The following UNC13C variants were observed in gnomAD, a reference collection of about 807,000 sequenced individuals.
UNC13C encodes protein unc-13 homolog C.
UNC13C carries 174 observed loss-of-function variants against 245.4 expected under a neutral mutation model. That is an observed-to-expected ratio of 0.71 (90% CI 0.63 to 0.80). UNC13C has a LOEUF of 0.80. Among genes scored for constraint, UNC13C ranks in the 30% least tolerant of loss-of-function variants. The pLI, the probability that UNC13C is intolerant of heterozygous loss-of-function variation, is 0.00. For missense variants in UNC13C, 2,829 were observed against 2,602.9 expected (o/e 1.09, Z -1.89); for synonymous variants, 992 against 895.1 (o/e 1.11, Z -1.93).
At chr15:53,997,388 G>A (rs920479973) in intron 1 of UNC13C, among the ~76,000 whole-genome samples, 1 of 152,120 alleles carries the variant, frequency 6.6e-6, no homozygotes, top group African/African-American at 2.4e-5. Flanking sequence ...TTTCAAAGAA[G>A]ACAAGTTTTT....
chr15:54,264,677 C>T (rs2036509311), intron 9 of UNC13C, among the ~76,000 whole-genome samples: 1 of 151,540 alleles, frequency 6.6e-6, no homozygotes, highest in Non-Finnish European at 1.5e-5. Context: ...TTTTTGTTGC[C>T]TACCAGTGAT....
chr15:54,381,045 G>C (rs1323968766), intron 17 of UNC13C, among the ~76,000 whole-genome samples: 1 of 152,082 alleles, frequency 6.6e-6, no homozygotes, highest in Admixed American at 6.5e-5. Flanking sequence ...CCAGTCTAGT[G>C]TCATGGAGCT....
chr15:54,056,313 G>A (rs1318240961), intron 2 of UNC13C, among the ~76,000 whole-genome samples: 2 of 152,162 alleles, frequency 1.3e-5, no homozygotes, highest in Admixed American at 6.6e-5. Flanking sequence ...CGTGACGAAT[G>A]CACAAGCCTC....
intron 4 of UNC13C, among the ~76,000 whole-genome samples, chr15:54,197,590 T>A (rs545278527): frequency 6.6e-6 from 1 of 152,194 alleles, no homozygotes; most frequent in Non-Finnish European, 1.5e-5. Context: ...ATAATTGAGT[T>A]GTGGATGCAA....
intron 4 of UNC13C, among the ~76,000 whole-genome samples, chr15:54,183,913 C>T (rs1031798678): frequency 2.0e-5 from 3 of 151,854 alleles, no homozygotes; most frequent in African/African-American, 7.3e-5. Context: ...GACACATTAG[C>T]TATGCCTTAA....
At chr15:53,992,205 C>T (rs1283331945) in intron 1 of UNC13C, among the ~76,000 whole-genome samples, 1 of 152,038 alleles carries the variant, frequency 6.6e-6, no homozygotes, top group African/African-American at 2.4e-5. Context: ...TGTTTAACCT[C>T]GTATACCTCT....
intron 2 of UNC13C, among the ~76,000 whole-genome samples, chr15:54,017,651 TA>T: frequency 6.6e-6 from 1 of 152,230 alleles, no homozygotes; most frequent in Non-Finnish European, 1.5e-5. Context: ...CTTCAACTTC[TA>T]AAAATTCCAA....
chr15:54,053,157 G>T (rs1897345037), intron 2 of UNC13C, among the ~76,000 whole-genome samples: 1 of 151,722 alleles, frequency 6.6e-6, no homozygotes, highest in African/African-American at 2.4e-5. Flanking sequence ...CACCACTACA[G>T]GTGTGCGCCA....
intron 4 of UNC13C, among the ~76,000 whole-genome samples, chr15:54,153,500 G>A (rs28416823): frequency 0.045 from 6,794 of 151,992 alleles, 513 homozygotes; most frequent in African/African-American, 0.15. Context: ...ATCAAGATCA[G>A]TGACAGTATC....
At chr15:53,854,123 T>TTTTTTTGTTG in the UNC13C span, among the ~76,000 whole-genome samples, 2 of 43,964 alleles carry the variant, frequency 4.5e-5, no homozygotes, top group African/African-American at 6.1e-5. Context: ...TTTTTATAGG[T>TTTTTTTGTTG]TTTTTTTTTT....
At chr15:53,914,651 G>A in the UNC13C span, 1 of 152,252 alleles carries the variant, frequency 6.6e-6, no homozygotes, top group Non-Finnish European at 1.5e-5. Context: ...GAACAGTGTA[G>A]AGAGCTAGCG....
chr15:53,920,122 A>G, the UNC13C span, among the ~76,000 whole-genome samples: 1 of 152,182 alleles, frequency 6.6e-6, no homozygotes, highest in African/African-American at 2.4e-5. Flanking sequence ...ATGTATAGAT[A>G]ACACTCTATT....
At chr15:54,580,135 G>T (rs190522323) in intron 30 of UNC13C, among the ~76,000 whole-genome samples, 3 of 152,116 alleles carry the variant, frequency 2.0e-5, no homozygotes. Context: ...GAGCCACCAC[G>T]CCTGTTTTTG....
intron 17 of UNC13C, among the ~76,000 whole-genome samples, chr15:54,383,652 G>C (rs186884593): frequency 6.6e-6 from 1 of 152,114 alleles, no homozygotes; most frequent in East Asian, 1.9e-4. Flanking sequence ...GCAACATGGT[G>C]CTGGAAGTCT....
At chr15:54,400,472 A>G (rs191548173) in intron 18 of UNC13C, among the ~76,000 whole-genome samples, 116 of 152,186 alleles carry the variant, frequency 7.6e-4, no homozygotes, top group African/African-American at 2.6e-3. Flanking sequence ...TTGTGGTGCT[A>G]TTTAACTTGT....
intron 4 of UNC13C, among the ~76,000 whole-genome samples, chr15:54,210,575 C>A (rs1244258262): frequency 6.6e-6 from 1 of 152,038 alleles, no homozygotes; most frequent in African/African-American, 2.4e-5. Flanking sequence ...TGCGTCATCA[C>A]ATGTCTCTTT....
intron 14 of UNC13C, among the ~76,000 whole-genome samples, chr15:54,323,008 CTTT>C (rs59778832): frequency 9.0e-5 from 13 of 145,006 alleles, no homozygotes; most frequent in Admixed American, 6.9e-5. Context: ...TTTTTGTTCT[CTTT>C]TTTTTTTTTT....
chr15:54,345,402 C>A lies in UNC13C; in HGVS notation c.4713+6913C>A, dbSNP rs546266524. ...AAAGCCTCTTGCACTTACTCTGGGT[C>A]ATGTGGCAGGATCCCAGATGAAGAG... On this transcript the variant is annotated intron_variant, in intron 17 of 32. Coordinates refer to ENST00000260323, the MANE Select transcript of UNC13C (RefSeq NM_001080534.3). 6.6e-5 allele frequency among the ~76,000 whole-genome samples: 10 copies of A among 152,246 alleles called. No individual in the cohort carries two copies. In the South Asian group the frequency reaches 1.5e-3, roughly 22 times the overall value.
chr15:54,298,911 A>C (rs779386711), intron 12 of UNC13C, among the ~76,000 whole-genome samples: 3 of 152,174 alleles, frequency 2.0e-5, no homozygotes, highest in Non-Finnish European at 4.4e-5. Flanking sequence ...TATATTCATG[A>C]AAATTTATAC....
Sources: gnomAD v4.1 joint callset for allele counts (sites outside exome capture counted in the v4.1 genomes callset) on GRCh38, gnomAD v4.1.1 for gene constraint, MANE v1.5 for transcripts, NCBI Gene and HGNC (gene_info 2026-07-23, HGNC 2026-07-21) for gene names.